SLC25A16: variants seen among roughly 807,000 people sequenced by gnomAD.
SLC25A16 encodes the protein solute carrier family 25 member 16.
In SLC25A16, 39 loss-of-function variants were observed where a neutral mutation model predicts 41.5. The observed-to-expected ratio is 0.94, with a 90% CI of 0.73 to 1.23. SLC25A16 has a LOEUF of 1.23. Among genes scored for constraint, SLC25A16 ranks in the 50% most tolerant of loss-of-function variants. The pLI is 0.00. For synonymous variants in SLC25A16, 146 were observed against 147.8 expected, an observed-to-expected ratio of 0.99 and a Z score of 0.09; for missense variants, 421 against 426.9, an observed-to-expected ratio of 0.99 and a Z score of 0.12.
intron 6 of SLC25A16, among the ~76,000 whole-genome samples, chr10:68,490,398 A>G (rs1234118831): frequency 6.6e-6 from 1 of 151,170 alleles, no homozygotes; most frequent in African/African-American, 2.4e-5. Flanking sequence ...GCTGGAGTGC[A>G]ATGGTGCGAT....
At chr10:68,491,338 G>A (rs965038779) in intron 6 of SLC25A16, among the ~76,000 whole-genome samples, 3 of 151,516 alleles carry the variant, frequency 2.0e-5, no homozygotes, top group Non-Finnish European at 2.9e-5. Context: ...GTGATTCTCT[G>A]CCTCAGCCTC....
Position 68,501,218 on chromosome 10 carries a change from T to C in SLC25A16, c.421+2414A>G, listed in dbSNP as rs887341561. ...GCGAGCCGAGACTGTGCCACTGCAC[T>C]CCAACCTGGGCGACAGAGAGGGACT... On this transcript the variant is annotated intron_variant, in intron 4 of 8. Coordinates refer to ENST00000609923, the MANE Select transcript of SLC25A16 (RefSeq NM_152707.4). 7.9e-5 allele frequency among the ~76,000 whole-genome samples: 12 copies of C among 151,762 alleles called. No homozygotes were observed. In the Middle Eastern group the frequency reaches 0.01, roughly 130 times the overall value.
rs1018746233 is a variant in SLC25A16, at chr10:68,492,689, C to CA, written c.610+442dup. Among the ~76,000 whole-genome samples, 151 of 146,162 alleles carry CA rather than the reference C, an allele frequency of 1.0e-3. 1 individual carries two copies. The highest frequency in any genetic ancestry group is 3.2e-3 in the African/African-American group (127 of 39,770). On this transcript the variant is annotated intron_variant, in intron 6 of 8. Transcript: ENST00000609923. The stretch of plus-strand genomic sequence containing the variant: ...AAGAGCGAAACTCCGTCTCAAAAAA[C>CA]AAAAAAAAACAGGACTGTAAACAAG...
chr10:68,496,137 T>A (rs2052747193), intron 4 of SLC25A16, among the ~76,000 whole-genome samples: 2 of 152,160 alleles, frequency 1.3e-5, no homozygotes, highest in South Asian at 4.1e-4. Context: ...TTGCCCCCCA[T>A]CTGTCTCCTG....
chr10:68,514,301 C>T (rs2053121160), intron 2 of SLC25A16, among the ~76,000 whole-genome samples: 1 of 152,092 alleles, frequency 6.6e-6, no homozygotes, highest in Non-Finnish European at 1.5e-5. Flanking sequence ...TCCAGACCAG[C>T]CTGGCCAATA....
intron 4 of SLC25A16, among the ~76,000 whole-genome samples, chr10:68,494,853 C>A (rs10823214): frequency 6.8e-6 from 1 of 146,772 alleles, no homozygotes. Flanking sequence ...CACTCCAGCC[C>A]GGGCGACAAG....
intron 2 of SLC25A16, among the ~76,000 whole-genome samples, chr10:68,509,219 C>A (rs1361114244): frequency 1.3e-5 from 2 of 151,850 alleles, no homozygotes; most frequent in African/African-American, 4.8e-5. Context: ...TGCCTGTAAT[C>A]CCAGCTACGA....
At position 68,518,827 on chromosome 10, in the gene SLC25A16, T is replaced by A. The variant is rs578260423; in HGVS notation, c.131-1984A>T. On this transcript the variant is annotated intron_variant, in intron 1 of 8. Coordinates refer to ENST00000609923, the MANE Select transcript of SLC25A16 (RefSeq NM_152707.4). ...TAAATAAATTAAATAAATAAATAAA[T>A]AAAATGTATTTTTTACTCAGATATT... is the stretch of plus-strand genomic sequence containing the variant. Among the ~76,000 whole-genome samples, 643 of 151,602 alleles carry A rather than the reference T, an allele frequency of 4.2e-3. 5 individuals carry two copies. Among genetic ancestry groups the A allele is most frequent in the African/African-American group, 0.014 (594 of 41,268 alleles).
At chr10:68,497,747 G>C (rs1357454182) in intron 4 of SLC25A16, among the ~76,000 whole-genome samples, 1 of 151,600 alleles carries the variant, frequency 6.6e-6, no homozygotes, top group African/African-American at 2.4e-5. Context: ...CTCCCAAGTA[G>C]TTGGGATTAC....
chr10:68,498,773 T>G (rs951295162), intron 4 of SLC25A16, among the ~76,000 whole-genome samples: 1 of 152,196 alleles, frequency 6.6e-6, no homozygotes, highest in Non-Finnish European at 1.5e-5. Context: ...AGTGAGCACG[T>G]GGTTCTAATA....
intron 8 of SLC25A16, among the ~76,000 whole-genome samples, chr10:68,486,240 A>AAAACAC (rs1554914567): frequency 6.8e-6 from 1 of 146,738 alleles, no homozygotes; most frequent in African/African-American, 2.7e-5. Context: ...ACAAAAAAAA[A>AAAACAC]AAAAAAACAC....
At chr10:68,491,502 G>C (rs2052657629) in intron 6 of SLC25A16, among the ~76,000 whole-genome samples, 1 of 152,148 alleles carries the variant, frequency 6.6e-6, no homozygotes, top group African/African-American at 2.4e-5. Flanking sequence ...TGGGATTACA[G>C]GCATGAGCCA....
intron 2 of SLC25A16, among the ~76,000 whole-genome samples, chr10:68,516,416 T>G (rs1025096861): frequency 3.3e-5 from 5 of 152,070 alleles, no homozygotes; most frequent in African/African-American, 1.2e-4. Context: ...AAAAACACCT[T>G]TAAATAAGGA....
At chr10:68,511,009 C>A (rs926058204) in intron 2 of SLC25A16, among the ~76,000 whole-genome samples, 2 of 152,138 alleles carry the variant, frequency 1.3e-5, no homozygotes, top group Non-Finnish European at 2.9e-5. Flanking sequence ...GAGGCCAAAG[C>A]GGGCAGAACA....
chr10:68,496,349 C>T (rs774252150), intron 4 of SLC25A16: 6 of 271,766 alleles, frequency 2.2e-5, no homozygotes, highest in Admixed American at 1.9e-4. Context: ...CATTCACACA[C>T]TCCTTACTAT....
rs1018967593 is a variant in SLC25A16 at position 68,482,007 on chromosome 10, G to A, written c.*1425C>T. 2.6e-5 allele frequency: 4 copies of A among 152,196 alleles called. No individual in the cohort carries two copies. The highest frequency in any genetic ancestry group is 5.9e-5 in the Non-Finnish European group (4 of 68,082). 9.4% of individuals were successfully genotyped at this position (152,196 alleles called of 1,614,324 possible). On this transcript the variant is annotated 3_prime_UTR_variant, in exon 9 of 9. Transcript: ENST00000609923. ...GGTGGGCAGATCATGAGGTTCAGGA[G>A]ATCGAGGCCATCCTGGCTAACACGG...
chr10:68,508,103 C>A (rs1261512672), intron 2 of SLC25A16, among the ~76,000 whole-genome samples: 1 of 151,794 alleles, frequency 6.6e-6, no homozygotes, highest in Non-Finnish European at 1.5e-5. Context: ...TGGTGTCGTG[C>A]GCCTGTAATC....
At chr10:68,483,955 C>T (rs971569173) in intron 8 of SLC25A16, among the ~76,000 whole-genome samples, 3 of 152,124 alleles carry the variant, frequency 2.0e-5, no homozygotes, top group African/African-American at 4.8e-5. Context: ...TAAGCCACCT[C>T]GCTCGGCCCA....
Position 68,493,585 on chromosome 10 carries a change from G to T in SLC25A16, c.422-15C>A. 2 of 1,603,518 alleles carry T rather than the reference G, an allele frequency of 1.2e-6. No homozygotes were observed. The highest frequency in any genetic ancestry group is 1.3e-5 in the African/African-American group (1 of 74,758). ...TGCTGTCATACCTGAAAAGAAAGTA[G>T]AAATTTAGAGGTACAATGAATTTTT... On this transcript the variant is annotated splice_polypyrimidine_tract_variant and intron_variant, in intron 4 of 8. Transcript: ENST00000609923.
Sources: allele counts gnomAD v4.1 joint callset (sites outside exome capture counted in the v4.1 genomes callset), GRCh38; gene constraint gnomAD v4.1.1; transcripts MANE v1.5; gene names NCBI Gene and HGNC (gene_info 2026-07-23, HGNC 2026-07-21).